ADGRV1: variants seen among roughly 807,000 people sequenced by gnomAD.
ADGRV1 encodes the protein G-protein coupled receptor 98.
Under a neutral mutation model 596.2 loss-of-function variants are expected in ADGRV1, and 359 were observed. The observed-to-expected ratio is 0.60, with a 90% CI of 0.55 to 0.66. The LOEUF (loss-of-function observed/expected upper bound fraction) is 0.66. Among genes scored for constraint, ADGRV1 ranks in the 30% least tolerant of loss-of-function variants. The pLI is 0.00. For missense variants in ADGRV1, 7,274 were observed against 7,575.6 expected (o/e 0.96, Z 1.48); for synonymous variants, 2,681 against 2,679.2 (o/e 1.00, Z -0.02).
intron 17 of ADGRV1, among the ~76,000 whole-genome samples, chr5:90,648,784 T>G (rs1436256705): frequency 6.6e-6 from 1 of 152,200 alleles, no homozygotes; most frequent in African/African-American, 2.4e-5. Context: ...ACTATTATCC[T>G]GTGAGGAAAA....
At chr5:90,725,451 G>C in intron 47 of ADGRV1, 98 bp from the exon 48 acceptor site, 1 of 775,780 alleles carries the variant, frequency 1.3e-6, no homozygotes, top group East Asian at 2.6e-5. Context: ...AATTTTTTAA[G>C]TCTTGCACTT....
chr5:91,018,856 T>C (rs1344265563), intron 85 of ADGRV1, among the ~76,000 whole-genome samples: 1 of 151,950 alleles, frequency 6.6e-6, no homozygotes, highest in Non-Finnish European at 1.5e-5. Flanking sequence ...CTTCAATCAT[T>C]GCTGAATTCA....
At chr5:90,926,728 G>T (rs1446404318) in intron 83 of ADGRV1, among the ~76,000 whole-genome samples, 1,754 of 147,984 alleles carry the variant, frequency 0.012, 35 homozygotes, top group African/African-American at 0.042. Context: ...GTGATGTTAG[G>T]GTGTCAATTT....
intron 83 of ADGRV1, among the ~76,000 whole-genome samples, chr5:90,943,943 A>G (rs1561979107): frequency 6.6e-6 from 1 of 152,188 alleles, no homozygotes; most frequent in Non-Finnish European, 1.5e-5. Flanking sequence ...CCAGGTATAC[A>G]TGAATTGAGG....
At chr5:91,161,119 A>C (rs1228982701) in intron 89 of ADGRV1, among the ~76,000 whole-genome samples, 1 of 152,146 alleles carries the variant, frequency 6.6e-6, no homozygotes, top group Non-Finnish European at 1.5e-5. Context: ...CCCTGAGGCT[A>C]ATCATGGGGT....
chr5:90,587,706 C>T (rs866369768), intron 1 of ADGRV1, among the ~76,000 whole-genome samples: 10 of 151,898 alleles, frequency 6.6e-5, no homozygotes, highest in East Asian at 3.9e-4. Context: ...TACAGGTGCG[C>T]GCCACCATGC....
At chr5:90,869,667 C>T (rs1768478216) in intron 83 of ADGRV1, among the ~76,000 whole-genome samples, 1 of 152,076 alleles carries the variant, frequency 6.6e-6, no homozygotes, top group South Asian at 2.1e-4. Flanking sequence ...AATTTCTGCA[C>T]TTTTCTTGTC....
intron 1 of ADGRV1, among the ~76,000 whole-genome samples, chr5:90,592,308 G>A (rs1759613393): frequency 6.6e-6 from 1 of 152,210 alleles, no homozygotes; most frequent in South Asian, 2.1e-4. Flanking sequence ...AATGGCATTT[G>A]CAGCAACCTG....
intron 83 of ADGRV1, among the ~76,000 whole-genome samples, chr5:90,957,583 T>A (rs1287974789): frequency 6.8e-6 from 1 of 147,958 alleles, no homozygotes; most frequent in Non-Finnish European, 1.5e-5. Flanking sequence ...TTACATATAG[T>A]ATATATATAA....
At position 90,783,862 on chromosome 5, in the gene ADGRV1, T is replaced by G. The variant is rs768679977; in HGVS notation, c.13458T>G (p.Ile4486Met). 4 of 1,608,862 alleles carry G rather than the reference T, an allele frequency of 2.5e-6. No individual in the cohort carries two copies. Among genetic ancestry groups the G allele is most frequent in the Admixed American group, 1.7e-5 (1 of 59,402 alleles). ...NESEFEEPIEILLTGATGGAV... is the reference protein window; with the variant it reads ...NESEFEEPIEMLLTGATGGAV... ...GTGAATTTGAGGAGCCCATTGAAAT[T>G]CTACTCACTGGAGCTACTGGAGGAG... Residue 4486 changes from isoleucine (I) to methionine (M), a missense_variant, in exon 67 of 90, where the codon ATT (isoleucine) becomes ATG (methionine). Ile to Met is a conservative substitution (Grantham distance 10). Coordinates refer to ENST00000405460, the MANE Select transcript of ADGRV1 (RefSeq NM_032119.4).
In ADGRV1 at chr5:90,651,660, G is replaced by T. The variant is rs761253411; in HGVS notation, c.3346G>T (p.Asp1116Tyr). 1.1e-5 allele frequency: 17 copies of T among 1,612,106 alleles called. No individual in the cohort carries two copies. Among genetic ancestry groups the T allele is most frequent in the Admixed American group, 1.7e-5 (1 of 59,938 alleles). ...VATVIIEANDDPNGIFSLEPI... is the reference protein window; with the variant it reads ...VATVIIEANDYPNGIFSLEPI... ...TACAGTAATAATTGAAGCTAATGATGACCCAAATGGCATTTTTTCTCTGGA... is the reference window on the plus strand; with the variant it reads ...TACAGTAATAATTGAAGCTAATGATTACCCAAATGGCATTTTTTCTCTGGA... The change falls in exon 18 of 90, where the codon GAC becomes TAC. Residue 1116 changes from aspartate to tyrosine, a missense_variant. Asp to Tyr is a radical substitution (Grantham distance 160, BLOSUM62 -3). Transcript: ENST00000405460.
At position 90,805,330 on chromosome 5, in the gene ADGRV1, G is replaced by C; in HGVS notation, c.14708G>C (p.Gly4903Ala). Residue 4903 changes from glycine to alanine, a missense_variant, in exon 72 of 90, where the codon GGC becomes GCC. This residue lies in a region of ADGRV1 where 1,874 missense variants were observed against 1,970.2 expected (regional missense o/e 0.95). Transcript: ENST00000405460. Reference protein sequence around the residue: ...TAFQLMNITAGTSHVMISRRG... With the variant: ...TAFQLMNITAATSHVMISRRG... ...TTTCAACTCATGAACATCACTGCTG[G>C]CACAAGCCACGTTATGATTTCTAGG... 2 of 1,612,528 alleles carry C rather than the reference G, an allele frequency of 1.2e-6. No individual in the cohort carries two copies. Among genetic ancestry groups the C allele is most frequent in the Non-Finnish European group, 1.7e-6 (2 of 1,178,904 alleles).
At chr5:90,703,393 A>G (rs1028753816) in intron 34 of ADGRV1, among the ~76,000 whole-genome samples, 2 of 152,138 alleles carry the variant, frequency 1.3e-5, no homozygotes, top group African/African-American at 4.8e-5. Context: ...TTTGGAGTGT[A>G]TAAAAGTTTG....
intron 21 of ADGRV1, among the ~76,000 whole-genome samples, chr5:90,665,515 T>G (rs181885168): frequency 0.037 from 5,643 of 151,986 alleles, 357 homozygotes; most frequent in African/African-American, 0.13. Flanking sequence ...TTTTTCTTTA[T>G]TAGTCTTGCT....
intron 31 of ADGRV1, among the ~76,000 whole-genome samples, chr5:90,691,387 T>G (rs2149624918): frequency 6.8e-6 from 1 of 147,506 alleles, no homozygotes; most frequent in East Asian, 2.0e-4. Context: ...CTTTTTTCTT[T>G]TTTTTTTTTT....
chr5:91,023,604 C>G (rs1479059598), intron 85 of ADGRV1, among the ~76,000 whole-genome samples: 1 of 152,072 alleles, frequency 6.6e-6, no homozygotes, highest in African/African-American at 2.4e-5. Flanking sequence ...TGGAAATACA[C>G]CATATCCCCA....
At chr5:90,738,647 C>T (rs148922802) in intron 50 of ADGRV1, among the ~76,000 whole-genome samples, 169 of 152,238 alleles carry the variant, frequency 1.1e-3, no homozygotes, top group Middle Eastern at 6.8e-3. Context: ...CTCTCATGGT[C>T]TGCAGGGTTT....
chr5:90,658,611 AATAAT>A (rs1213500661), intron 21 of ADGRV1, among the ~76,000 whole-genome samples: 1 of 152,164 alleles, frequency 6.6e-6, no homozygotes, highest in Non-Finnish European at 1.5e-5. Context: ...AATTGAATGA[AATAAT>A]ATATATTGAA....
intron 85 of ADGRV1, among the ~76,000 whole-genome samples, chr5:91,006,739 A>G (rs1488847670): frequency 6.6e-6 from 1 of 151,958 alleles, no homozygotes; most frequent in African/African-American, 2.4e-5. Context: ...TTTATAATTT[A>G]ATATACTAGA....
Sources: allele counts gnomAD v4.1 joint callset (sites outside exome capture counted in the v4.1 genomes callset), GRCh38; gene constraint gnomAD v4.1.1; regional missense constraint gnomAD v4.1.1; transcripts MANE v1.5; gene names NCBI Gene and HGNC (gene_info 2026-07-23, HGNC 2026-07-21).